DLD: variants seen among roughly 807,000 people sequenced by gnomAD.
The protein encoded by DLD is dihydrolipoamide dehydrogenase, also known as dihydrolipoyl dehydrogenase, mitochondrial.
DLD carries 36 observed loss-of-function variants against 62.2 expected under a neutral mutation model. The ratio of observed to expected loss-of-function variants is 0.58; its 90% CI spans 0.44 to 0.76. The LOEUF (loss-of-function observed/expected upper bound fraction) is 0.76, where lower values mean the gene tolerates loss of function less well. Among genes scored for constraint, DLD ranks in the 30% least tolerant of loss-of-function variants. The probability of loss-of-function intolerance (pLI) is 0.00; values close to 1 mark genes in which losing one functional copy is unlikely to be tolerated. For missense variants in DLD, 541 were observed against 608.6 expected (o/e 0.89, Z 1.17); for synonymous variants, 204 against 199.6 (o/e 1.02, Z -0.19).
Position 107,916,393 on chromosome 7 carries a change from G to A in DLD, c.876-401G>A, listed in dbSNP as rs189371606. Among the ~76,000 whole-genome samples, 189 of 152,130 alleles carry A rather than the reference G, an allele frequency of 1.2e-3. 1 individual carries two copies. The highest frequency in any genetic ancestry group is 1.9e-3 in the Non-Finnish European group (128 of 68,010). On this transcript the variant is annotated intron_variant, in intron 9 of 13. Coordinates refer to ENST00000205402, the MANE Select transcript of DLD (RefSeq NM_000108.5). ...TATTGTTAAAAATGTCATCAGTGCC[G>A]GCTGGGCATGGTGGCTCACACCTGT... is the stretch of plus-strand genomic sequence containing the variant.
Position 107,917,316 on chromosome 7 carries a change from C to A in DLD, c.1090C>A (p.His364Asn). 2 of 1,614,152 alleles carry A rather than the reference C, an allele frequency of 1.2e-6. No individual in the cohort carries two copies. Among genetic ancestry groups the A allele is most frequent in the Non-Finnish European group, 1.7e-6 (2 of 1,180,022 alleles). ...GDVVAGPMLA[H>N]KAEDEGIICV... is the part of the protein sequence containing the mutation. Reference sequence around the variant, plus strand: ...TGTAGTTGCTGGTCCAATGCTGGCTCACAAAGCAGAGGATGAAGGCATTAT... The same window carrying A: ...TGTAGTTGCTGGTCCAATGCTGGCTAACAAAGCAGAGGATGAAGGCATTAT... Residue 364 changes from histidine (H) to asparagine (N), a missense_variant, in exon 11 of 14, where the codon CAC becomes AAC. By Grantham distance (68) the His-to-Asn change is moderately conservative (BLOSUM62 1). Transcript: ENST00000205402.
upstream of DLD, chr7:107,891,137 G>C (rs936843890): frequency 8.1e-6 from 11 of 1,364,488 alleles, no homozygotes; most frequent in African/African-American, 1.4e-4. Context: ...CGCTGCTCCC[G>C]GGTGATGACG....
At chr7:107,905,144 A>G (rs867423979) in intron 6 of DLD, 86 bp downstream of exon 6, 3 of 1,048,452 alleles carry the variant, frequency 2.9e-6, no homozygotes, top group Non-Finnish European at 4.3e-6. Flanking sequence ...GAACTTGGTT[A>G]CAGGGGAATA....
intron 8 of DLD, among the ~76,000 whole-genome samples, chr7:107,915,238 G>C (rs1024799106): frequency 2.6e-5 from 4 of 152,194 alleles, no homozygotes; most frequent in Admixed American, 6.5e-5. Context: ...CCTGAGAACA[G>C]AGATTTTTGC....
chr7:107,891,609 G>C (rs1028576997), intron 1 of DLD: 4 of 535,360 alleles, frequency 7.5e-6, no homozygotes, highest in Non-Finnish European at 1.0e-5. Flanking sequence ...TACCTTGGAG[G>C]AAGTGTAAGC....
intron 2 of DLD, among the ~76,000 whole-genome samples, chr7:107,898,341 C>T (rs2031785911): frequency 7.4e-6 from 1 of 135,536 alleles, no homozygotes; most frequent in African/African-American, 2.8e-5. Flanking sequence ...AGTTCAGTGA[C>T]ACGATTTCAG....
intron 2 of DLD, among the ~76,000 whole-genome samples, chr7:107,899,273 G>A (rs1562912193): frequency 6.7e-6 from 1 of 149,094 alleles, no homozygotes. Flanking sequence ...TCATTTTTGT[G>A]CATCTTAGCA....
At chr7:107,913,220 G>T (rs374437877) in intron 8 of DLD, among the ~76,000 whole-genome samples, 1 of 151,932 alleles carries the variant, frequency 6.6e-6, no homozygotes, top group Admixed American at 6.6e-5. Context: ...TTTTGAAGCC[G>T]GTTAATATGA....
chr7:107,892,907 A>G (rs2031624134), intron 1 of DLD, among the ~76,000 whole-genome samples: 1 of 152,228 alleles, frequency 6.6e-6, no homozygotes, highest in Non-Finnish European at 1.5e-5. Context: ...TTTTCTGAAA[A>G]TTGAATAAAA....
intron 8 of DLD, among the ~76,000 whole-genome samples, chr7:107,913,334 T>G (rs2032188995): frequency 6.6e-6 from 1 of 152,138 alleles, no homozygotes; most frequent in South Asian, 2.1e-4. Flanking sequence ...TTGGGTAGTA[T>G]TGTCATTTTA....
At chr7:107,892,382 T>C (rs2031604751) in intron 1 of DLD, among the ~76,000 whole-genome samples, 1 of 152,210 alleles carries the variant, frequency 6.6e-6, no homozygotes, top group South Asian at 2.1e-4. Context: ...TTGCTATTCC[T>C]AGTTGATGTC....
At chr7:107,905,730 A>G in intron 7 of DLD, 1 of 546,072 alleles carries the variant, frequency 1.8e-6, no homozygotes, top group South Asian at 2.2e-5. Context: ...GTTAAAATTG[A>G]CCATTGCGTT....
chr7:107,916,809 T>C lies in DLD; in HGVS notation c.891T>C (p.Ser297=), dbSNP rs756947121. ...GKIDVSIEAA[S]GGKAEVITCD... ...TGTTATCTAGTATTGAAGCTGCTTCTGGTGGTAAAGCTGAAGTTATCACTT... is the reference window on the plus strand; with the variant it reads ...TGTTATCTAGTATTGAAGCTGCTTCCGGTGGTAAAGCTGAAGTTATCACTT... Residue 297 remains serine (S), a synonymous_variant, in exon 10 of 14, where the codon TCT becomes TCC. Transcript: ENST00000205402. 2.5e-6 allele frequency: 4 copies of C among 1,613,406 alleles called. No homozygotes were observed. The South Asian group carries it at 4.4e-5, about 18-fold the overall frequency.
chr7:107,912,044 T>C (rs1056009277), intron 8 of DLD, among the ~76,000 whole-genome samples: 2 of 151,894 alleles, frequency 1.3e-5, no homozygotes, highest in African/African-American at 4.8e-5. Flanking sequence ...TTCAGTTTGT[T>C]TGTTTTTTTT....
chr7:107,891,451 C>G (rs1454728143), intron 1 of DLD, 162 bp downstream of exon 1: 29 of 755,292 alleles, frequency 3.8e-5, no homozygotes, highest in Non-Finnish European at 6.3e-5. Flanking sequence ...GCCCTGGGCT[C>G]CGAGGTGGCC....
chr7:107,916,650 G>A (rs909332036), intron 9 of DLD, 144 bp from the exon 10 acceptor site: 9 of 847,214 alleles, frequency 1.1e-5, no homozygotes, highest in East Asian at 2.6e-5. Flanking sequence ...CCAGTCTGGC[G>A]ACAGAGCAAG....
intron 2 of DLD, among the ~76,000 whole-genome samples, chr7:107,894,417 A>T (rs565086362): frequency 3.0e-4 from 46 of 152,192 alleles, no homozygotes; most frequent in Non-Finnish European, 5.7e-4. Context: ...GAGGAAGGGT[A>T]GGGGGAGGAT....
At chr7:107,917,620 C>T (rs990866655) in intron 11 of DLD, among the ~76,000 whole-genome samples, 158 bp downstream of exon 11, 2 of 152,182 alleles carry the variant, frequency 1.3e-5, no homozygotes, top group South Asian at 2.1e-4. Flanking sequence ...ATAAAGAGAT[C>T]ATTCACAGAT....
intron 5 of DLD, among the ~76,000 whole-genome samples, chr7:107,904,354 C>G (rs2031952085): frequency 6.6e-6 from 1 of 152,180 alleles, no homozygotes; most frequent in African/African-American, 2.4e-5. Flanking sequence ...AGAAATCTCT[C>G]AGAGTCTCTT....
Sources: gnomAD v4.1 joint callset for allele counts (sites outside exome capture counted in the v4.1 genomes callset) on GRCh38, gnomAD v4.1.1 for gene constraint, MANE v1.5 for transcripts, NCBI Gene and HGNC (gene_info 2026-07-23, HGNC 2026-07-21) for gene names.